Variants in PKIB observed in about 807,000 individuals in gnomAD.
PKIB encodes the protein cAMP-dependent protein kinase inhibitor beta, also known as PKI-beta.
In PKIB, 2 loss-of-function variants were observed where a neutral mutation model predicts 4.5. That is an observed-to-expected ratio of 0.44 (90% CI 0.18 to 1.39). The LOEUF (loss-of-function observed/expected upper bound fraction) is 1.39. Ranked by LOEUF, PKIB falls within the 40% of genes most tolerant of loss-of-function variation. The pLI, the probability that PKIB is intolerant of heterozygous loss-of-function variation, is 0.27. For missense variants in PKIB, 94 were observed against 92.6 expected (o/e 1.02, Z -0.06); for synonymous variants, 38 against 36.0 (o/e 1.06, Z -0.20).
At chr6:122,584,387 T>G (rs1773792542) in intron 2 of PKIB, among the ~76,000 whole-genome samples, 2 of 152,260 alleles carry the variant, frequency 1.3e-5, no homozygotes, top group Middle Eastern at 6.8e-3. Context: ...ATGATAATCA[T>G]AAATTAAGTA....
At chr6:122,631,930 A>G (rs1582757206) in intron 1 of PKIB, among the ~76,000 whole-genome samples, 1 of 152,334 alleles carries the variant, frequency 6.6e-6, no homozygotes, top group Non-Finnish European at 1.5e-5. Flanking sequence ...ATAGTGAAAT[A>G]TCTCCACCAC....
In PKIB at chr6:122,678,369, A is replaced by G. The variant is rs1418657142; in HGVS notation, c.-9+3225A>G. 2.0e-5 allele frequency among the ~76,000 whole-genome samples: 3 copies of G among 152,184 alleles called. No individual in the cohort carries two copies. In the East Asian group the frequency reaches 5.8e-4, roughly 29 times the overall value. On this transcript the variant is annotated intron_variant, in intron 3 of 4. Coordinates refer to ENST00000368452, the MANE Select transcript of PKIB (RefSeq NM_181795.3). ...TCACCTGGACAGGACTTCTGTTCCT[A>G]TAGTTGCACCATTTTCTCTATTGCC...
At chr6:122,685,122 T>A (rs1169490162) in intron 3 of PKIB, among the ~76,000 whole-genome samples, 2 of 152,176 alleles carry the variant, frequency 1.3e-5, no homozygotes, top group East Asian at 3.8e-4. Context: ...AATTAGGAAC[T>A]GGATCCTATC....
chr6:122,583,138 C>T (rs1453926484), intron 2 of PKIB, among the ~76,000 whole-genome samples: 4 of 151,810 alleles, frequency 2.6e-5, no homozygotes, highest in African/African-American at 9.7e-5. Context: ...TTGTATAATA[C>T]ACTGTTGAGG....
At chr6:122,573,258 T>G (rs150213876) in intron 2 of PKIB, among the ~76,000 whole-genome samples, 184 of 152,084 alleles carry the variant, frequency 1.2e-3, no homozygotes, top group African/African-American at 3.5e-3. Flanking sequence ...ATCCAAAAGA[T>G]AATACATCAT....
At chr6:122,532,674 C>T (rs1038153056) in intron 2 of PKIB, among the ~76,000 whole-genome samples, 3 of 152,126 alleles carry the variant, frequency 2.0e-5, no homozygotes, top group Non-Finnish European at 4.4e-5. Context: ...AAGGTTTATC[C>T]ATGCTGTAGC....
At chr6:122,700,192 T>G (rs192889709) in intron 3 of PKIB, among the ~76,000 whole-genome samples, 29 of 131,500 alleles carry the variant, frequency 2.2e-4, no homozygotes, top group Admixed American at 1.2e-3. Context: ...GTTGTTGTTG[T>G]TGGTTCCTCC....
intron 2 of PKIB, among the ~76,000 whole-genome samples, chr6:122,533,565 C>T (rs999599701): frequency 2.6e-5 from 4 of 152,112 alleles, no homozygotes; most frequent in Admixed American, 1.3e-4. Flanking sequence ...CACTATAATG[C>T]ATTTTCTTTT....
At chr6:122,569,416 G>A (rs1237644727) in intron 2 of PKIB, among the ~76,000 whole-genome samples, 3 of 152,114 alleles carry the variant, frequency 2.0e-5, no homozygotes, top group Admixed American at 6.6e-5. Flanking sequence ...TGGAGAAAAC[G>A]GCTGCATGAC....
chr6:122,584,977 A>C (rs1029640992), intron 2 of PKIB, among the ~76,000 whole-genome samples: 1 of 152,250 alleles, frequency 6.6e-6, no homozygotes, highest in Admixed American at 6.5e-5. Flanking sequence ...TTCCATGTCA[A>C]TAACCTAACA....
intron 2 of PKIB, among the ~76,000 whole-genome samples, chr6:122,516,687 C>A (rs1274889220): frequency 6.6e-6 from 1 of 152,090 alleles, no homozygotes; most frequent in Non-Finnish European, 1.5e-5. Context: ...TGAGGGGTTA[C>A]ATAAAATTCA....
At chr6:122,621,369 G>T (rs934430067) in intron 1 of PKIB, among the ~76,000 whole-genome samples, 1 of 152,148 alleles carries the variant, frequency 6.6e-6, no homozygotes, top group East Asian at 1.9e-4. Context: ...AGGAGATCAG[G>T]TTGAACTGAA....
At chr6:122,701,284 G>T (rs1454751046) in intron 3 of PKIB, 1 of 611,810 alleles carries the variant, frequency 1.6e-6, no homozygotes, top group Admixed American at 2.8e-5. Context: ...CTGTTCCATA[G>T]GTGTACCATT....
chr6:122,720,603 C>T lies in PKIB; in HGVS notation c.169+2640C>T, dbSNP rs562485976. Among the ~76,000 whole-genome samples, 32 of 151,570 alleles carry T rather than the reference C, an allele frequency of 2.1e-4. No homozygotes were observed. In the East Asian group the frequency reaches 3.3e-3, roughly 16 times the overall value. On this transcript the variant is annotated intron_variant, in intron 4 of 4. Transcript: ENST00000368452. The stretch of plus-strand genomic sequence containing the variant: ...AAAATTTTTGTCTTCAGGATGCCTA[C>T]GAGACATCTAAATGGACAAGTCAAT...
intron 2 of PKIB, chr6:122,484,056 A>G (rs557134615): frequency 7.2e-5 from 11 of 152,328 alleles, no homozygotes; most frequent in African/African-American, 2.6e-4. Flanking sequence ...TTTTACTGCC[A>G]TCACCTAACC....
chr6:122,678,520 GT>G (rs1370017110), intron 3 of PKIB, among the ~76,000 whole-genome samples: 2 of 151,638 alleles, frequency 1.3e-5, no homozygotes, highest in Admixed American at 6.6e-5. Context: ...GTTTTGTTTT[GT>G]TTTTTTGTGG....
rs1050795507 is a variant in PKIB, at chr6:122,537,099, A to C, written c.-247-48822A>C. Among the ~76,000 whole-genome samples, 4 of 151,680 alleles carry C rather than the reference A, an allele frequency of 2.6e-5. No individual in the cohort carries two copies. In the East Asian group the frequency reaches 7.7e-4, roughly 29 times the overall value. On this transcript the variant is annotated intron_variant, in intron 2 of 6. Coordinates refer to the PKIB transcript ENST00000392491. Reference sequence around the variant, plus strand: ...TATACTGGTGCTGCCTTTTCCTCCTAGTTGCTTCTTTATTCCTCCTAGTTG... The same window carrying C: ...TATACTGGTGCTGCCTTTTCCTCCTCGTTGCTTCTTTATTCCTCCTAGTTG...
chr6:122,509,858 T>A (rs1223032577), intron 2 of PKIB, among the ~76,000 whole-genome samples: 1 of 152,086 alleles, frequency 6.6e-6, no homozygotes, highest in Non-Finnish European at 1.5e-5. Flanking sequence ...GGGAACACTG[T>A]GAATTGTAAA....
chr6:122,501,126 C>T (rs750934435), intron 2 of PKIB, among the ~76,000 whole-genome samples: 47 of 152,132 alleles, frequency 3.1e-4, no homozygotes, highest in Non-Finnish European at 5.7e-4. Flanking sequence ...TTCTCACATT[C>T]CAGAACACAA....
Sources: allele counts gnomAD v4.1 joint callset (sites outside exome capture counted in the v4.1 genomes callset), GRCh38; gene constraint gnomAD v4.1.1; transcripts MANE v1.5; gene names NCBI Gene and HGNC (gene_info 2026-07-23, HGNC 2026-07-21).